Variants in IPO11 observed in about 807,000 individuals in gnomAD.
IPO11 encodes importin-11.
A neutral mutation model predicts 143.2 loss-of-function variants in IPO11; 66 were observed. The ratio of observed to expected loss-of-function variants is 0.46; its 90% confidence interval spans 0.38 to 0.57. IPO11 has a LOEUF of 0.57. IPO11 is among the 20% of genes least tolerant of loss of function. The pLI is 0.00. For missense variants in IPO11, 1,026 were observed against 1,141.0 expected (o/e 0.90, Z 1.45); for synonymous variants, 385 against 377.8 (o/e 1.02, Z -0.22).
intron 14 of IPO11, 32 bp from the exon 15 acceptor site, chr5:62,490,083 C>T: frequency 7.2e-7 from 1 of 1,387,646 alleles, no homozygotes; most frequent in Non-Finnish European, 9.8e-7. Context: ...TATCTGAAAC[C>T]TTTAATTTTT....
chr5:62,513,858 T>G (rs1412266694), intron 19 of IPO11, among the ~76,000 whole-genome samples: 2 of 113,582 alleles, frequency 1.8e-5, no homozygotes, highest in African/African-American at 3.6e-5. Flanking sequence ...AGGAGGAGGG[T>G]CTCCTCACTT....
chr5:62,553,323 AGTGTGTGTGTGTGT>A lies in IPO11; in HGVS notation c.2460+2015_2460+2028del, dbSNP rs3077458. 4.7e-3 allele frequency among the ~76,000 whole-genome samples: 565 copies of A among 119,260 alleles called. 3 individuals carry two copies. The highest frequency in any genetic ancestry group is 0.016 in the African/African-American group (514 of 32,066). The allele number at this position is 119,260 out of a possible 152,430, so 78.2% of individuals were successfully genotyped here. On this transcript the variant is annotated intron_variant, in intron 26 of 29. Coordinates refer to ENST00000325324, the MANE Select transcript of IPO11 (RefSeq NM_016338.5). ...TTTGAGGTCGAATAGTATTCGTGTGAGTGTGTGTGTGTGTGTGTGTGTGTGTGTGTGTGTGTGTG... is the reference window on the plus strand; with the variant it reads ...TTTGAGGTCGAATAGTATTCGTGTGAGTGTGTGTGTGTGTGTGTGTGTGTG...
intron 16 of IPO11, among the ~76,000 whole-genome samples, chr5:62,502,701 G>A (rs924137706): frequency 6.6e-6 from 1 of 152,136 alleles, no homozygotes; most frequent in South Asian, 2.1e-4. Context: ...GTTATGGCTC[G>A]GGGTTGAGTG....
chr5:62,533,964 A>AAAAGAAAAG lies in IPO11; in HGVS notation c.2090-2731_2090-2730insAGAAAGAAA, dbSNP rs1554053936. Among the ~76,000 whole-genome samples, 1,078 of 148,652 alleles carry AAAAGAAAAG rather than the reference A, an allele frequency of 7.3e-3. 14 individuals are homozygous for AAAAGAAAAG. The highest frequency in any genetic ancestry group is 0.025 in the African/African-American group (1,014 of 40,490). ...GATGCTTTCTCTTTAAAAAAAAAAAAAAAGAAAGCCACTGGCAGAAAGTTT... is the reference window on the plus strand; with the variant it reads ...GATGCTTTCTCTTTAAAAAAAAAAAAAAAGAAAAGAAAGAAAGCCACTGGCAGAAAGTTT... On this transcript the variant is annotated intron_variant, in intron 22 of 29. Transcript: ENST00000325324.
At chr5:62,510,176 G>T (rs1048951137) in intron 19 of IPO11, among the ~76,000 whole-genome samples, 1 of 152,042 alleles carries the variant, frequency 6.6e-6, no homozygotes, top group Non-Finnish European at 1.5e-5. Flanking sequence ...AGTTCTATGT[G>T]ATTTTTAAAA....
At chr5:62,415,891 C>A (rs528126901) in intron 1 of IPO11, among the ~76,000 whole-genome samples, 7 of 152,276 alleles carry the variant, frequency 4.6e-5, no homozygotes, top group African/African-American at 1.7e-4. Flanking sequence ...TCTATCTGTC[C>A]ATCTCTAATG....
At chr5:62,549,579 C>T (rs552789648) in intron 24 of IPO11, among the ~76,000 whole-genome samples, 79 of 152,300 alleles carry the variant, frequency 5.2e-4, no homozygotes, top group Admixed American at 1.9e-3. Flanking sequence ...CCATAACCCT[C>T]TCAGATGGTA....
rs371365894 is a variant in IPO11 at position 62,437,330 on chromosome 5, C to T, written c.51C>T (p.Ala17=). The change falls in exon 2 of 30, where the codon GCC becomes GCT. Residue 17 remains alanine (A), a synonymous_variant. Transcript: ENST00000325324. ...TTGTTCTTCAGGTGTTAACACAGGC[C>T]ACCAGTCAGGATACTGCTGTGTTAA... The part of the protein sequence containing the change: ...STVVLQVLTQ[A]TSQDTAVLKP... 4 of 1,611,962 alleles carry T rather than the reference C, an allele frequency of 2.5e-6. No individual in the cohort carries two copies. The African/African-American group carries it at 5.3e-5, about 22-fold the overall frequency.
At chr5:62,442,227 G>A (rs367925272) in intron 2 of IPO11, among the ~76,000 whole-genome samples, 16 of 152,242 alleles carry the variant, frequency 1.1e-4, no homozygotes, top group African/African-American at 3.6e-4. Context: ...TATTAACCCC[G>A]GGGCCTTGAC....
intron 27 of IPO11, among the ~76,000 whole-genome samples, chr5:62,561,700 C>T (rs1455267092): frequency 2.6e-5 from 4 of 152,086 alleles, no homozygotes; most frequent in South Asian, 2.1e-4. Flanking sequence ...AGGACGTTTG[C>T]AAGTTGTTTT....
intron 28 of IPO11, among the ~76,000 whole-genome samples, chr5:62,593,143 A>T (rs975658138): frequency 6.6e-5 from 10 of 150,932 alleles, no homozygotes; most frequent in Non-Finnish European, 1.3e-4. Flanking sequence ...GGCACACCAA[A>T]CAGTACAGTT....
At chr5:62,433,477 A>G (rs948135438) in intron 1 of IPO11, among the ~76,000 whole-genome samples, 6 of 152,196 alleles carry the variant, frequency 3.9e-5, no homozygotes, top group Non-Finnish European at 5.9e-5. Flanking sequence ...TACTTTTCAC[A>G]ATTTGTTTTA....
Position 62,526,134 on chromosome 5 carries a change from TC to T in IPO11, c.1897-5del. The T allele has an allele frequency of 6.3e-7, 1 of 1,576,906 alleles. No individual in the cohort carries two copies. The highest frequency in any genetic ancestry group is 8.7e-7 in the Non-Finnish European group (1 of 1,146,664). ...TCTTATTATAAGTTTTATTTATACT[TC>T]CCATAGGGATTAGGAGCAGACAGCA... On this transcript the variant is annotated splice_region_variant and splice_polypyrimidine_tract_variant and intron_variant, in intron 20 of 29. Transcript: ENST00000325324.
intron 24 of IPO11, among the ~76,000 whole-genome samples, chr5:62,546,858 TA>T (rs1358146619): frequency 2.6e-5 from 4 of 152,124 alleles, no homozygotes; most frequent in Non-Finnish European, 4.4e-5. Flanking sequence ...TTCTTCTGTT[TA>T]AAAAGTAGAA....
chr5:62,470,811 A>T (rs1207863529), intron 7 of IPO11, among the ~76,000 whole-genome samples: 3 of 108,354 alleles, frequency 2.8e-5, no homozygotes, highest in Admixed American at 1.1e-4. Context: ...GTAGATAGCC[A>T]TCTTCTTTTT....
rs1330574341 is a variant in IPO11, at chr5:62,540,756, C to CT, written c.2250+3469dup. Among the ~76,000 whole-genome samples the CT allele has an allele frequency of 2.6e-5, 4 of 152,110 alleles. No individual in the cohort carries two copies. In the South Asian group the frequency reaches 8.3e-4, roughly 32 times the overall value. On this transcript the variant is annotated intron_variant, in intron 24 of 29. Coordinates refer to ENST00000325324, the MANE Select transcript of IPO11 (RefSeq NM_016338.5). ...AGAGTTGATGTGAGGAATACTTGAG[C>CT]TTATATATATAAACAGTTATAGCAA... is the stretch of plus-strand genomic sequence containing the variant.
intron 1 of IPO11, among the ~76,000 whole-genome samples, chr5:62,429,577 G>A (rs247247): frequency 0.3 from 42,222 of 141,852 alleles, 6,770 homozygotes; most frequent in East Asian, 0.47. Flanking sequence ...CACCATGCCC[G>A]TCTGATTTTC....
At chr5:62,473,825 A>G (rs190568146) in intron 7 of IPO11, among the ~76,000 whole-genome samples, 130 of 152,278 alleles carry the variant, frequency 8.5e-4, no homozygotes, top group African/African-American at 2.9e-3. Flanking sequence ...TTTTCAAAAA[A>G]AGGGTCCATT....
chr5:62,517,154 C>T (rs1430401802), intron 20 of IPO11, among the ~76,000 whole-genome samples: 2 of 151,714 alleles, frequency 1.3e-5, no homozygotes, highest in African/African-American at 2.4e-5. Flanking sequence ...GCCGAGATCG[C>T]GCCACTGCAC....
Sources: allele counts gnomAD v4.1 joint callset (sites outside exome capture counted in the v4.1 genomes callset), GRCh38; gene constraint gnomAD v4.1.1; transcripts MANE v1.5; gene names NCBI Gene and HGNC (gene_info 2026-07-23, HGNC 2026-07-21).